DACH2: variants seen among roughly 807,000 people sequenced by gnomAD.
DACH2 encodes the protein dachshund family transcription factor 2.
DACH2 carries 17 observed loss-of-function variants against 35.8 expected under a neutral mutation model. That is an observed-to-expected ratio of 0.48 (90% CI 0.33 to 0.71). The LOEUF (loss-of-function observed/expected upper bound fraction) is 0.71, where lower values mean the gene tolerates loss of function less well. Among genes scored for constraint, DACH2 ranks in the 30% least tolerant of loss-of-function variants. DACH2 has a pLI of 0.02. For missense variants in DACH2, 469 were observed against 472.7 expected (o/e 0.99, Z 0.07); for synonymous variants, 195 against 177.3 (o/e 1.10, Z -0.79).
Position 86,301,124 on chromosome X carries a change from G to A in DACH2, c.489-75700G>A, listed in dbSNP as rs142552351. ...ACTTAAGAATGGTAAGAGGAATAAA[G>A]ATTATAAAGCATATACAAAAATCCA... On this transcript the variant is annotated intron_variant, in intron 1 of 11. Transcript: ENST00000373125. Among the ~76,000 whole-genome samples the A allele has an allele frequency of 9.8e-4, 110 of 111,803 alleles. 2 individuals carry two copies. Among genetic ancestry groups the A allele is most frequent in the African/African-American group, 3.5e-3 (109 of 30,834 alleles).
chrX:86,420,852 T>C (rs2036790432), intron 2 of DACH2, among the ~76,000 whole-genome samples: 1 of 111,784 alleles, frequency 8.9e-6, no homozygotes, highest in African/African-American at 3.2e-5. Context: ...TTGGTCATTT[T>C]TTACTTTATC....
At chrX:86,650,720 A>AT (rs1431476441) in intron 3 of DACH2, among the ~76,000 whole-genome samples, 2 of 111,410 alleles carry the variant, frequency 1.8e-5, no homozygotes, top group African/African-American at 6.5e-5. Context: ...TTTAATATAT[A>AT]TTTTTCTAAA....
chrX:86,421,070 C>T (rs1014107386), intron 2 of DACH2, among the ~76,000 whole-genome samples: 1 of 111,586 alleles, frequency 9.0e-6, no homozygotes, highest in Non-Finnish European at 1.9e-5. Flanking sequence ...CTTTTCTCCC[C>T]ATTTGTCATG....
intron 2 of DACH2, among the ~76,000 whole-genome samples, chrX:86,386,003 G>A (rs187490062): frequency 1.1e-3 from 125 of 111,821 alleles, no homozygotes; most frequent in Admixed American, 2.5e-3. Context: ...GAATCAGTTT[G>A]TCCTAACTAA....
At chrX:86,827,873 C>T in intron 11 of DACH2, 1 of 943,043 alleles carries the variant, frequency 1.1e-6, no homozygotes, top group Non-Finnish European at 1.5e-6. Context: ...ATACTCAAAT[C>T]CTTAAAATAT....
rs2034589976 is a variant in DACH2, at chrX:86,302,308, C to A, written c.489-74516C>A. On this transcript the variant is annotated intron_variant, in intron 1 of 11. Coordinates refer to ENST00000373125, the MANE Select transcript of DACH2 (RefSeq NM_053281.3). The stretch of plus-strand genomic sequence containing the variant: ...TAGGTTTATGCATGTAGTGTTCTAG[C>A]CGTGAGTTGGCACTTGATAGTTGAC... 3.6e-5 allele frequency among the ~76,000 whole-genome samples: 4 copies of A among 110,932 alleles called. No individual in the cohort carries two copies. The South Asian group carries it at 1.5e-3, about 42-fold the overall frequency.
intron 2 of DACH2, among the ~76,000 whole-genome samples, chrX:86,393,606 A>G (rs73631928): frequency 0.087 from 9,789 of 111,894 alleles, 1,068 homozygotes; most frequent in African/African-American, 0.3. Context: ...AGAAGAGTTA[A>G]AGATGATTTC....
At chrX:86,601,658 T>C (rs1399687061) in intron 3 of DACH2, among the ~76,000 whole-genome samples, 2 of 112,426 alleles carry the variant, frequency 1.8e-5, no homozygotes, top group Non-Finnish European at 1.9e-5. Context: ...GTAGTAGTTA[T>C]CTATTGCACA....
At chrX:86,185,882 A>G (rs1027173899) in intron 1 of DACH2, among the ~76,000 whole-genome samples, 2 of 112,392 alleles carry the variant, frequency 1.8e-5, no homozygotes, top group African/African-American at 6.5e-5. Flanking sequence ...GAAGCCTGCC[A>G]TCTTTATATA....
chrX:86,381,240 C>A (rs1040830817), intron 2 of DACH2, among the ~76,000 whole-genome samples: 2 of 110,086 alleles, frequency 1.8e-5, no homozygotes, highest in Admixed American at 1.9e-4. Context: ...TTATTGCCAG[C>A]GTAGTAGATA....
At chrX:86,199,210 C>T (rs768448655) in intron 1 of DACH2, among the ~76,000 whole-genome samples, 5 of 111,262 alleles carry the variant, frequency 4.5e-5, no homozygotes, top group Admixed American at 9.5e-5. Context: ...TGATAAATTT[C>T]GGCAGCACTT....
At chrX:86,364,799 T>C (rs770107881) in intron 1 of DACH2, among the ~76,000 whole-genome samples, 11 of 111,808 alleles carry the variant, frequency 9.8e-5, no homozygotes, top group Non-Finnish European at 1.7e-4. Flanking sequence ...TAAAACCCTT[T>C]GGCATGAGAA....
At chrX:86,240,880 A>C (rs919833460) in intron 1 of DACH2, among the ~76,000 whole-genome samples, 1 of 111,226 alleles carries the variant, frequency 9.0e-6, no homozygotes, top group Non-Finnish European at 1.9e-5. Context: ...CTGCTATGCC[A>C]TGGTAAGACG....
At chrX:86,538,867 AG>A (rs1479570754) in intron 3 of DACH2, among the ~76,000 whole-genome samples, 1 of 111,507 alleles carries the variant, frequency 9.0e-6, no homozygotes, top group East Asian at 2.8e-4. Flanking sequence ...ATTTTATTTA[AG>A]TATCTCTGTA....
intron 1 of DACH2, among the ~76,000 whole-genome samples, chrX:86,194,727 C>T (rs1208934896): frequency 8.9e-6 from 1 of 112,571 alleles, no homozygotes; most frequent in Non-Finnish European, 1.9e-5. Context: ...TGATGTGGAG[C>T]CCAGAGGGTT....
At chrX:86,412,648 A>G (rs1387006381) in intron 2 of DACH2, among the ~76,000 whole-genome samples, 3 of 111,718 alleles carry the variant, frequency 2.7e-5, no homozygotes, top group African/African-American at 9.8e-5. Flanking sequence ...AAGGCATTCC[A>G]TGAGTCCACG....
At chrX:86,466,995 G>C (rs900482623) in intron 2 of DACH2, among the ~76,000 whole-genome samples, 3 of 111,872 alleles carry the variant, frequency 2.7e-5, no homozygotes, top group African/African-American at 9.8e-5. Context: ...TGCCAAGAAG[G>C]CCTCTGACAT....
At chrX:86,412,883 C>T (rs764393969) in intron 2 of DACH2, among the ~76,000 whole-genome samples, 1 of 111,411 alleles carries the variant, frequency 9.0e-6, no homozygotes, top group African/African-American at 3.3e-5. Context: ...GGTCCCCACT[C>T]AAAACTGGCA....
At chrX:86,307,282 T>C (rs750682771) in intron 1 of DACH2, among the ~76,000 whole-genome samples, 43 of 111,842 alleles carry the variant, frequency 3.8e-4, no homozygotes, top group African/African-American at 1.3e-3. Flanking sequence ...GAGAAAGAGC[T>C]GACAATGTAG....
Sources: allele counts gnomAD v4.1 joint callset (sites outside exome capture counted in the v4.1 genomes callset), GRCh38; gene constraint gnomAD v4.1.1; transcripts MANE v1.5; gene names NCBI Gene and HGNC (gene_info 2026-07-23, HGNC 2026-07-21).